BARD1: variants seen among roughly 807,000 people sequenced by gnomAD.
The protein encoded by BARD1 is BRCA1-associated RING domain protein 1.
BARD1 carries 73 observed loss-of-function variants against 77.0 expected under a neutral mutation model. The observed-to-expected ratio is 0.95, with a 90% CI of 0.79 to 1.15. The LOEUF (loss-of-function observed/expected upper bound fraction) is 1.15. Among genes scored for constraint, BARD1 ranks in the 50% most tolerant of loss-of-function variants. The pLI is 0.00. For missense variants in BARD1, 993 were observed against 938.8 expected (o/e 1.06, Z -0.75); for synonymous variants, 384 against 338.0 (o/e 1.14, Z -1.49).
chr2:214,752,804 ATT>A (rs528255776), intron 6 of BARD1, among the ~76,000 whole-genome samples: 8 of 152,296 alleles, frequency 5.3e-5, no homozygotes, highest in Admixed American at 3.9e-4. Context: ...TGTATTCTGC[ATT>A]CTTATTCATA....
At chr2:214,734,867 C>T (rs913648139) in intron 9 of BARD1, among the ~76,000 whole-genome samples, 1 of 152,096 alleles carries the variant, frequency 6.6e-6, no homozygotes, top group African/African-American at 2.4e-5. Flanking sequence ...GTATCCTTCC[C>T]CAAATCCAGC....
At position 214,781,138 on chromosome 2, in the gene BARD1, G is replaced by T. The variant is rs927730167; in HGVS notation, c.736C>A (p.Pro246Thr). ...ATCTGAGGACTGGAGATAACAGATG[G>T]TTGGCTACAGAAGGATACCAGCTTT... ...KQKLVSFCSQ[P>T]SVISSPQING... The change falls in exon 4 of 11, where the codon CCA becomes ACA. Residue 246 changes from proline (P) to threonine (T), a missense_variant. Transcript: ENST00000260947. The T allele has an allele frequency of 1.3e-6, 2 of 1,574,344 alleles. No individual in the cohort carries two copies. The highest frequency in any genetic ancestry group is 8.6e-7 in the Non-Finnish European group (1 of 1,164,730).
At chr2:214,803,538 C>G (rs141516391) in intron 1 of BARD1, among the ~76,000 whole-genome samples, 101 of 152,334 alleles carry the variant, frequency 6.6e-4, no homozygotes, top group Non-Finnish European at 1.1e-3. Context: ...GTATGCATAT[C>G]TAAAAGCACA....
chr2:214,789,606 T>C (rs1255677582), intron 3 of BARD1, among the ~76,000 whole-genome samples: 1 of 152,104 alleles, frequency 6.6e-6, no homozygotes, highest in Admixed American at 6.6e-5. Flanking sequence ...AAATTAGCAC[T>C]GCCAATTTTT....
Position 214,781,027 on chromosome 2 carries a change from C to G in BARD1, c.847G>C (p.Ala283Pro), listed in dbSNP as rs923851371. Residue 283 changes from alanine to proline, a missense_variant, in exon 4 of 11, where the codon GCT (alanine) becomes CCT (proline). Physicochemically the swap from Ala to Pro is conservative, Grantham distance 27. Coordinates refer to ENST00000260947, the MANE Select transcript of BARD1 (RefSeq NM_000465.4). ...GTGTCTGGAGACTCTATTTGCTCAG[C>G]CAATGGTAAAGAGACTTCAGTTAAA... Reference protein sequence around the residue: ...GSLTEVSLPLAEQIESPDTKS... With the variant: ...GSLTEVSLPLPEQIESPDTKS... The G allele has an allele frequency of 3.1e-5, 50 of 1,612,232 alleles. No homozygotes were observed. The highest frequency in any genetic ancestry group is 4.2e-5 in the Non-Finnish European group (49 of 1,179,206).
intron 3 of BARD1, among the ~76,000 whole-genome samples, chr2:214,787,185 A>C (rs1406671375): frequency 6.6e-6 from 1 of 151,922 alleles, no homozygotes; most frequent in Non-Finnish European, 1.5e-5. Flanking sequence ...CTTTTAAAGG[A>C]AAATTAAGGC....
At chr2:214,729,918 T>C (rs1035863698) in intron 10 of BARD1, among the ~76,000 whole-genome samples, 2 of 152,202 alleles carry the variant, frequency 1.3e-5, no homozygotes, top group Non-Finnish European at 2.9e-5. Context: ...AAGATTTTTG[T>C]GCTGAGGCTA....
At position 214,727,923 on chromosome 2, in the gene BARD1, G is replaced by GA. The variant is rs1395692566; in HGVS notation, c.*752dup. The GA allele has an allele frequency of 4.6e-6, 1 of 216,012 alleles. No homozygotes were observed. Among genetic ancestry groups the GA allele is most frequent in the Non-Finnish European group, 9.3e-6 (1 of 107,380 alleles). 13.4% of individuals were successfully genotyped at this position (216,012 alleles called of 1,614,324 possible). Reference sequence around the variant, plus strand: ...AATACTAACATTAAAATGTGTTAGAGAAAATGCTCTAAGTATATATACACA... The same window carrying GA: ...AATACTAACATTAAAATGTGTTAGAGAAAAATGCTCTAAGTATATATACACA... On this transcript the variant is annotated 3_prime_UTR_variant, in exon 11 of 11. Coordinates refer to ENST00000260947, the MANE Select transcript of BARD1 (RefSeq NM_000465.4).
intron 6 of BARD1, among the ~76,000 whole-genome samples, chr2:214,756,500 G>A (rs1443666698): frequency 6.6e-6 from 1 of 152,154 alleles, no homozygotes; most frequent in East Asian, 1.9e-4. Context: ...AGGAAAAGAA[G>A]TCATGATATG....
intron 7 of BARD1, among the ~76,000 whole-genome samples, chr2:214,746,055 G>T (rs1314625187): frequency 6.6e-6 from 1 of 151,908 alleles, no homozygotes; most frequent in African/African-American, 2.4e-5. Context: ...AATGTCAATT[G>T]TGATAGCTCT....
intron 7 of BARD1, 138 bp downstream of exon 7, chr2:214,752,309 T>C: frequency 1.5e-6 from 1 of 687,914 alleles, no homozygotes; most frequent in Non-Finnish European, 2.5e-6. Flanking sequence ...GAATCCACAG[T>C]AGCTAATACT....
intron 3 of BARD1, among the ~76,000 whole-genome samples, chr2:214,785,465 A>G (rs1393829755): frequency 6.6e-6 from 1 of 152,100 alleles, no homozygotes; most frequent in East Asian, 1.9e-4. Flanking sequence ...ACATGAATAG[A>G]CAGTACTCAG....
Position 214,727,869 on chromosome 2 carries a change from A to T in BARD1, c.*807T>A. 4.5e-6 allele frequency: 1 copy of T among 220,052 alleles called. No homozygotes were observed. The highest frequency in any genetic ancestry group is 6.8e-5 in the East Asian group (1 of 14,770). The allele number at this position is 220,052 out of a possible 1,614,324, so 13.6% of individuals were successfully genotyped here. A position where few individuals can be genotyped will look rare whatever the true frequency, so the allele number is the denominator to read the frequency against. The stretch of plus-strand genomic sequence containing the variant: ...TTAAAGTAATGACGTTGGACTGACA[A>T]TTTGCTAGACTGGTCAGACCTTTTA... On this transcript the variant is annotated 3_prime_UTR_variant, in exon 11 of 11. Coordinates refer to ENST00000260947, the MANE Select transcript of BARD1 (RefSeq NM_000465.4).
At chr2:214,743,181 T>C (rs988136545) in intron 9 of BARD1, among the ~76,000 whole-genome samples, 1 of 152,154 alleles carries the variant, frequency 6.6e-6, no homozygotes, top group African/African-American at 2.4e-5. Context: ...AAAAAAGAAG[T>C]GGTAGCTGTA....
intron 2 of BARD1, among the ~76,000 whole-genome samples, chr2:214,793,276 C>T (rs1003164315): frequency 6.6e-6 from 1 of 152,122 alleles, no homozygotes; most frequent in African/African-American, 2.4e-5. Context: ...CAAACAAAAC[C>T]TATGCCATTT....
intron 1 of BARD1, among the ~76,000 whole-genome samples, chr2:214,807,452 T>C (rs1696326273): frequency 1.3e-5 from 2 of 152,222 alleles, no homozygotes; most frequent in Admixed American, 6.5e-5. Context: ...TCCCAAATCA[T>C]GTAGCAAGCA....
At chr2:214,763,170 T>C (rs910991903) in intron 6 of BARD1, among the ~76,000 whole-genome samples, 1 of 152,210 alleles carries the variant, frequency 6.6e-6, no homozygotes, top group African/African-American at 2.4e-5. Flanking sequence ...CCATATCTTA[T>C]CTTTCTCAAA....
intron 4 of BARD1, among the ~76,000 whole-genome samples, chr2:214,777,465 C>T (rs1694784843): frequency 6.6e-6 from 1 of 152,188 alleles, no homozygotes. Context: ...CAAGGATGCT[C>T]AGCGCAAACA....
chr2:214,806,004 CTT>C (rs1696252862), intron 1 of BARD1, among the ~76,000 whole-genome samples: 1 of 152,188 alleles, frequency 6.6e-6, no homozygotes, highest in Non-Finnish European at 1.5e-5. Flanking sequence ...TATTACTGTG[CTT>C]TCTGCCAGCC....
Sources: allele counts gnomAD v4.1 joint callset (sites outside exome capture counted in the v4.1 genomes callset), GRCh38; gene constraint gnomAD v4.1.1; transcripts MANE v1.5; gene names NCBI Gene and HGNC (gene_info 2026-07-23, HGNC 2026-07-21).